The following UST variants were observed in gnomAD, a reference collection of about 807,000 sequenced individuals.
UST encodes the protein uronyl 2-sulfotransferase.
In UST, 21 loss-of-function variants were observed where a neutral mutation model predicts 45.6. The ratio of observed to expected loss-of-function variants is 0.46; its 90% CI spans 0.33 to 0.66. UST has a LOEUF of 0.66. Ranked by LOEUF, UST falls within the 30% of genes least tolerant of loss-of-function variation. UST has a pLI of 0.02. For synonymous variants in UST, 215 were observed against 200.6 expected (o/e 1.07, Z -0.61); for missense variants, 463 against 512.4 (o/e 0.90, Z 0.93).
intron 2 of UST, among the ~76,000 whole-genome samples, chr6:148,900,492 ACT>A (rs1779229016): frequency 6.6e-6 from 1 of 151,494 alleles, no homozygotes; most frequent in Non-Finnish European, 1.5e-5. Flanking sequence ...CCCTGCACAA[ACT>A]CTCTTCTCTT....
In UST at chr6:148,850,922, G is replaced by A. The variant is rs962925537; in HGVS notation, c.248-36064G>A. Among the ~76,000 whole-genome samples, 5 of 152,182 alleles carry A rather than the reference G, an allele frequency of 3.3e-5. No individual in the cohort carries two copies. In the South Asian group the frequency reaches 8.3e-4, roughly 25 times the overall value. ...GTCTTTCTACTGGCAACTCTCATGG[G>A]ATTCCTTGGCTGGAGGGTAGAGCAA... On this transcript the variant is annotated intron_variant, in intron 1 of 7. Coordinates refer to ENST00000367463, the MANE Select transcript of UST (RefSeq NM_005715.3).
chr6:148,846,630 A>G (rs1777998086), intron 1 of UST, among the ~76,000 whole-genome samples: 1 of 152,162 alleles, frequency 6.6e-6, no homozygotes, highest in Non-Finnish European at 1.5e-5. Context: ...AAATAAATAA[A>G]TAAAATAGTC....
intron 1 of UST, among the ~76,000 whole-genome samples, chr6:148,872,971 G>A (rs1430036267): frequency 2.6e-5 from 4 of 152,228 alleles, no homozygotes; most frequent in East Asian, 1.9e-4. Context: ...GTAAAGTAAC[G>A]GACTCACAGG....
intron 5 of UST, among the ~76,000 whole-genome samples, chr6:148,999,155 GTA>G (rs1781503309): frequency 6.6e-6 from 1 of 152,170 alleles, no homozygotes; most frequent in Non-Finnish European, 1.5e-5. Flanking sequence ...GAACACTTAA[GTA>G]CTTTTTGTTC....
chr6:148,862,991 C>T (rs1778350272), intron 1 of UST, among the ~76,000 whole-genome samples: 1 of 152,104 alleles, frequency 6.6e-6, no homozygotes, highest in Non-Finnish European at 1.5e-5. Context: ...TTGCTCTTCT[C>T]GAGGAGTATC....
At position 148,747,619 on chromosome 6, in the gene UST, C is replaced by T. The variant is rs1425653798; in HGVS notation, c.189C>T (p.Leu63=). The change falls in exon 1 of 8, where the codon CTC becomes CTT. Residue 63 remains leucine, a synonymous_variant. Coordinates refer to ENST00000367463, the MANE Select transcript of UST (RefSeq NM_005715.3). ...ATLLVFCLGS[L]LYQLSGGPPR... ...TGCTGGTCTTCTGCCTGGGCTCCCT[C>T]CTCTATCAGCTCAGCGGGGGACCCC... is the stretch of plus-strand genomic sequence containing the variant. 1 of 1,603,178 alleles carries T rather than the reference C, an allele frequency of 6.2e-7. No homozygotes were observed. The highest frequency in any genetic ancestry group is 1.3e-5 in the African/African-American group (1 of 74,134).
chr6:149,061,916 A>G (rs1459244378), intron 7 of UST, among the ~76,000 whole-genome samples: 1 of 152,262 alleles, frequency 6.6e-6, no homozygotes. Flanking sequence ...ATCACTAAAA[A>G]GTACCAAAAG....
intron 5 of UST, among the ~76,000 whole-genome samples, chr6:148,994,507 G>C (rs1475312455): frequency 6.6e-6 from 1 of 152,096 alleles, no homozygotes. Flanking sequence ...TTTTTTGGGG[G>C]ACTAATATTG....
At chr6:148,994,562 G>T (rs1047766518) in intron 5 of UST, among the ~76,000 whole-genome samples, 1 of 152,118 alleles carries the variant, frequency 6.6e-6, no homozygotes, top group Admixed American at 6.6e-5. Context: ...AGGTCAGTTG[G>T]TCACTTGAAA....
At chr6:148,786,007 A>C (rs780482875) in intron 1 of UST, among the ~76,000 whole-genome samples, 1 of 150,204 alleles carries the variant, frequency 6.7e-6, no homozygotes. Flanking sequence ...CAAAAATATC[A>C]TGTTAGCTTT....
chr6:148,964,291 C>T (rs146899357), intron 4 of UST, 119 bp from the exon 5 acceptor site: 2 of 1,251,524 alleles, frequency 1.6e-6, no homozygotes, highest in African/African-American at 1.5e-5. Flanking sequence ...TCATTGGCAC[C>T]TTAGCATAGG....
chr6:148,780,678 A>T (rs1237421031), intron 1 of UST, among the ~76,000 whole-genome samples: 1 of 152,166 alleles, frequency 6.6e-6, no homozygotes, highest in African/African-American at 2.4e-5. Flanking sequence ...TTCTTTATCC[A>T]GTCTGCCATT....
chr6:148,851,311 A>G lies in UST; in HGVS notation c.248-35675A>G, dbSNP rs1389626669. ...CATATATATACGTACACATTTACTTATAGTTTTTACTGATGATAAAATGAA... is the reference window on the plus strand; with the variant it reads ...CATATATATACGTACACATTTACTTGTAGTTTTTACTGATGATAAAATGAA... On this transcript the variant is annotated intron_variant, in intron 1 of 7. Coordinates refer to ENST00000367463, the MANE Select transcript of UST (RefSeq NM_005715.3). 2.6e-5 allele frequency among the ~76,000 whole-genome samples: 4 copies of G among 152,312 alleles called. No individual in the cohort carries two copies. In the South Asian group the frequency reaches 6.2e-4, roughly 24 times the overall value.
intron 2 of UST, among the ~76,000 whole-genome samples, chr6:148,897,261 G>A (rs961815724): frequency 3.3e-5 from 5 of 152,038 alleles, no homozygotes; most frequent in African/African-American, 1.2e-4. Flanking sequence ...TCCACCTCCT[G>A]GGTTCAGGTG....
chr6:148,812,875 G>A (rs113608484), intron 1 of UST, among the ~76,000 whole-genome samples: 37 of 152,144 alleles, frequency 2.4e-4, no homozygotes, highest in Non-Finnish European at 3.8e-4. Flanking sequence ...CTGACAGGTC[G>A]TCTTCGAGCC....
At chr6:148,993,415 T>A (rs181242300) in intron 5 of UST, among the ~76,000 whole-genome samples, 78 of 152,052 alleles carry the variant, frequency 5.1e-4, no homozygotes, top group Non-Finnish European at 9.7e-4. Context: ...ACTTTATTTT[T>A]CTCTGTTTTT....
At chr6:148,901,704 C>T (rs1002970035) in intron 2 of UST, among the ~76,000 whole-genome samples, 2 of 151,934 alleles carry the variant, frequency 1.3e-5, no homozygotes, top group Admixed American at 6.6e-5. Context: ...ATTGCAGGCG[C>T]CTGCCACCAC....
At chr6:149,008,161 C>T (rs1253923582) in intron 5 of UST, among the ~76,000 whole-genome samples, 5 of 152,252 alleles carry the variant, frequency 3.3e-5, no homozygotes, top group Admixed American at 2.6e-4. Flanking sequence ...AAATCTCCCA[C>T]AGAGGCAGGA....
chr6:148,874,436 G>T (rs1033607784), intron 1 of UST, among the ~76,000 whole-genome samples: 7 of 152,188 alleles, frequency 4.6e-5, no homozygotes, highest in African/African-American at 1.4e-4. Context: ...AGTTTAATTA[G>T]AAATGGAATG....
Sources: gnomAD v4.1 joint callset for allele counts (sites outside exome capture counted in the v4.1 genomes callset) on GRCh38, gnomAD v4.1.1 for gene constraint, MANE v1.5 for transcripts, NCBI Gene and HGNC (gene_info 2026-07-23, HGNC 2026-07-21) for gene names.